CHRM3: variants seen among roughly 807,000 people sequenced by gnomAD.
CHRM3 encodes cholinergic receptor muscarinic 3, also known as muscarinic acetylcholine receptor M3.
In CHRM3, 11 loss-of-function variants were observed where a neutral mutation model predicts 41.8. That is an observed-to-expected ratio of 0.26 (90% confidence interval 0.17 to 0.44). CHRM3 has a LOEUF of 0.44. Ranked by LOEUF, CHRM3 falls within the 20% of genes least tolerant of loss-of-function variation. CHRM3 has a pLI of 1.00. For missense variants in CHRM3, 571 were observed against 745.4 expected (o/e 0.77, Z 2.72); for synonymous variants, 297 against 301.4 (o/e 0.99, Z 0.15).
At chr1:239,469,111 C>G (rs2147928365) in intron 1 of CHRM3, among the ~76,000 whole-genome samples, 1 of 152,128 alleles carries the variant, frequency 6.6e-6, no homozygotes, top group East Asian at 1.9e-4. Context: ...TCATGTCTAT[C>G]CAACAAGGAA....
chr1:239,772,663 C>A (rs1185780195), intron 5 of CHRM3, among the ~76,000 whole-genome samples: 1 of 152,114 alleles, frequency 6.6e-6, no homozygotes, highest in African/African-American at 2.4e-5. Context: ...CATTTCCTAT[C>A]TTCCAGTCCT....
intron 3 of CHRM3, among the ~76,000 whole-genome samples, chr1:239,571,847 G>A (rs1661856720): frequency 1.3e-5 from 2 of 152,102 alleles, no homozygotes; most frequent in Non-Finnish European, 1.5e-5. Context: ...AGATGTGTGG[G>A]CATTTTCTTT....
intron 5 of CHRM3, among the ~76,000 whole-genome samples, chr1:239,691,655 C>T (rs938436961): frequency 5.9e-5 from 9 of 152,142 alleles, no homozygotes; most frequent in Admixed American, 2.6e-4. Flanking sequence ...ATTGTTCCTA[C>T]GGAGAAAACA....
chr1:239,515,611 A>G (rs1669217018), intron 2 of CHRM3, among the ~76,000 whole-genome samples: 1 of 152,218 alleles, frequency 6.6e-6, no homozygotes, highest in African/African-American at 2.4e-5. Flanking sequence ...CATGGCTTCA[A>G]ATGCATTCCA....
intron 6 of CHRM3, among the ~76,000 whole-genome samples, chr1:239,891,848 T>C (rs1361011547): frequency 1.3e-5 from 2 of 152,164 alleles, no homozygotes; most frequent in African/African-American, 4.8e-5. Context: ...TTGGTTGATA[T>C]CAGAGTGGAG....
intron 6 of CHRM3, among the ~76,000 whole-genome samples, chr1:239,846,939 A>G (rs1286297315): frequency 6.6e-6 from 1 of 152,194 alleles, no homozygotes; most frequent in Non-Finnish European, 1.5e-5. Flanking sequence ...CAGTTGCAGG[A>G]GACAGAATAC....
At chr1:239,429,344 G>C (rs1177736304) in intron 1 of CHRM3, among the ~76,000 whole-genome samples, 2 of 152,122 alleles carry the variant, frequency 1.3e-5, no homozygotes, top group Admixed American at 1.3e-4. Flanking sequence ...TGAGTACAAA[G>C]TTTAAGATGA....
intron 1 of CHRM3, among the ~76,000 whole-genome samples, chr1:239,400,076 T>C (rs1216820997): frequency 6.6e-6 from 1 of 152,140 alleles, no homozygotes; most frequent in African/African-American, 2.4e-5. Flanking sequence ...CATGCCTGGC[T>C]AATTTTTGTA....
chr1:239,854,508 A>G (rs1324991667), intron 6 of CHRM3, among the ~76,000 whole-genome samples: 1 of 152,126 alleles, frequency 6.6e-6, no homozygotes, highest in Non-Finnish European at 1.5e-5. Flanking sequence ...AAGTGAGAAA[A>G]GAGTATATAA....
In CHRM3 at chr1:239,910,269, CAATAAT is replaced by C. The variant is rs1680285418; in HGVS notation, c.*1047_*1052del. ...TCTGCTATCTAAACTGCTTGAAACT[CAATAAT>C]AGTGTCACGTTTGAATGTCATACAC... On this transcript the variant is annotated 3_prime_UTR_variant, in exon 7 of 7. Transcript: ENST00000676153. 6.1e-6 allele frequency: 1 copy of C among 164,154 alleles called. No homozygotes were observed. The highest frequency in any genetic ancestry group is 2.1e-4 in the South Asian group (1 of 4,756). 10.2% of individuals were successfully genotyped at this position (164,154 alleles called of 1,614,324 possible). A position where few individuals can be genotyped will look rare whatever the true frequency, so the allele number is the denominator to read the frequency against.
At chr1:239,595,478 T>C (rs1664676945) in intron 3 of CHRM3, among the ~76,000 whole-genome samples, 1 of 152,218 alleles carries the variant, frequency 6.6e-6, no homozygotes, top group Admixed American at 6.5e-5. Context: ...GTTATTTATC[T>C]ATGCTTTATT....
intron 6 of CHRM3, among the ~76,000 whole-genome samples, chr1:239,864,928 A>T (rs764242359): frequency 6.6e-6 from 1 of 152,202 alleles, no homozygotes; most frequent in South Asian, 2.1e-4. Context: ...GTGAAAATTT[A>T]TATGTCTTCT....
chr1:239,654,473 A>G (rs1338717608), intron 4 of CHRM3, among the ~76,000 whole-genome samples: 1 of 152,114 alleles, frequency 6.6e-6, no homozygotes, highest in Non-Finnish European at 1.5e-5. Flanking sequence ...ATCTCAGCTC[A>G]CTGCAAACTT....
chr1:239,518,033 G>T (rs1023270461), intron 2 of CHRM3, among the ~76,000 whole-genome samples: 1 of 152,130 alleles, frequency 6.6e-6, no homozygotes, highest in Non-Finnish European at 1.5e-5. Flanking sequence ...TTGAACCTGG[G>T]AGGCGGAGGT....
chr1:239,810,938 G>A (rs1384358548), intron 5 of CHRM3, among the ~76,000 whole-genome samples: 1 of 152,058 alleles, frequency 6.6e-6, no homozygotes, highest in Non-Finnish European at 1.5e-5. Context: ...ACTGAGCTAC[G>A]GCTTCCAAAG....
At chr1:239,611,483 C>T (rs181807920) in intron 3 of CHRM3, among the ~76,000 whole-genome samples, 50 of 139,450 alleles carry the variant, frequency 3.6e-4, no homozygotes, top group African/African-American at 1.3e-3. Flanking sequence ...TGCTGTGGCG[C>T]GATCTTGGCT....
chr1:239,862,677 A>G (rs497576), intron 6 of CHRM3, among the ~76,000 whole-genome samples: 69,828 of 152,004 alleles, frequency 0.46, 17,646 homozygotes, highest in East Asian at 0.56. Context: ...AACATGTTTG[A>G]AAATAAATAT....
At chr1:239,424,624 A>G (rs2103121482) in intron 1 of CHRM3, among the ~76,000 whole-genome samples, 1 of 152,352 alleles carries the variant, frequency 6.6e-6, no homozygotes, top group Admixed American at 6.5e-5. Flanking sequence ...TCTACAAAAG[A>G]GAGGGCTATG....
intron 3 of CHRM3, among the ~76,000 whole-genome samples, chr1:239,590,807 C>A (rs1330152591): frequency 6.6e-6 from 1 of 151,858 alleles, no homozygotes; most frequent in Non-Finnish European, 1.5e-5. Flanking sequence ...AAACATAAAA[C>A]CCTATATTTA....
Sources: allele counts gnomAD v4.1 joint callset (sites outside exome capture counted in the v4.1 genomes callset), GRCh38; gene constraint gnomAD v4.1.1; transcripts MANE v1.5; gene names NCBI Gene and HGNC (gene_info 2026-07-23, HGNC 2026-07-21).